The following ERP27 variants were observed in gnomAD, a reference collection of about 807,000 sequenced individuals.
The protein encoded by ERP27 is endoplasmic reticulum resident protein 27.
In ERP27, 23 loss-of-function variants were observed where a neutral mutation model predicts 27.7. The observed-to-expected ratio is 0.83, with a 90% CI of 0.60 to 1.18. The LOEUF is 1.18. Ranked by LOEUF, ERP27 falls within the 50% of genes most tolerant of loss-of-function variation. The pLI, the probability that ERP27 is intolerant of heterozygous loss-of-function variation, is 0.00. For missense variants in ERP27, 363 were observed against 327.9 expected (o/e 1.11, Z -0.83); for synonymous variants, 159 against 118.3 (o/e 1.34, Z -2.23).
intron 4 of ERP27, among the ~76,000 whole-genome samples, chr12:14,919,916 A>C (rs1426994465): frequency 1.3e-5 from 2 of 152,180 alleles, no homozygotes; most frequent in Non-Finnish European, 2.9e-5. Flanking sequence ...CTCCTCTATA[A>C]AATGGACACA....
chr12:14,932,295 G>A (rs1398475823), intron 3 of ERP27, among the ~76,000 whole-genome samples: 1 of 152,158 alleles, frequency 6.6e-6, no homozygotes, highest in Admixed American at 6.5e-5. Flanking sequence ...GGAATGCTTA[G>A]GCCCATTTGG....
In ERP27 at chr12:14,934,905, AC is replaced by A. The variant is rs754257974; in HGVS notation, c.283del (p.Val95PhefsTer2). The A allele has an allele frequency of 9.0e-5, 145 of 1,614,158 alleles. No homozygotes were observed. In the African/African-American group the frequency reaches 1.8e-3, roughly 20 times the overall value. The stretch of plus-strand genomic sequence containing the variant: ...CCCAGTGATGTTGTAGTGTGTCAGA[AC>A]CTCAGAATCAGTGCTGATCCCAAAT... ...VSFGISTDSE[V>X]LTHYNITGNT... On this transcript the variant is annotated frameshift_variant, in exon 3 of 7. Coordinates refer to ENST00000266397, the MANE Select transcript of ERP27 (RefSeq NM_152321.4). LOFTEE classifies it high-confidence loss of function.
intron 4 of ERP27, among the ~76,000 whole-genome samples, chr12:14,918,168 A>G (rs934818766): frequency 6.6e-5 from 10 of 152,318 alleles, no homozygotes; most frequent in Admixed American, 5.2e-4. Flanking sequence ...TGAGGCATAG[A>G]TAGACTAATT....
chr12:14,936,021 C>T (rs1273541028), intron 2 of ERP27, among the ~76,000 whole-genome samples: 3 of 152,122 alleles, frequency 2.0e-5, no homozygotes, highest in African/African-American at 7.2e-5. Context: ...TGTGCCCGGC[C>T]AAGATGTACT....
At chr12:14,924,242 T>G (rs1482969298) in intron 3 of ERP27, among the ~76,000 whole-genome samples, 1 of 152,198 alleles carries the variant, frequency 6.6e-6, no homozygotes, top group Non-Finnish European at 1.5e-5. Flanking sequence ...GTCCATTGTA[T>G]ATATGTACTG....
intron 3 of ERP27, among the ~76,000 whole-genome samples, chr12:14,932,570 T>G (rs1378340418): frequency 1.3e-5 from 2 of 152,230 alleles, no homozygotes; most frequent in African/African-American, 4.8e-5. Context: ...AAAGCCTATT[T>G]GTAACATTAA....
chr12:14,926,716 A>G (rs550962896), intron 3 of ERP27, among the ~76,000 whole-genome samples: 3 of 152,316 alleles, frequency 2.0e-5, no homozygotes, highest in African/African-American at 4.8e-5. Flanking sequence ...GAATATTCAA[A>G]TACAGTTTAC....
intron 3 of ERP27, among the ~76,000 whole-genome samples, chr12:14,925,349 T>G (rs2120584506): frequency 6.6e-6 from 1 of 152,284 alleles, no homozygotes; most frequent in East Asian, 1.9e-4. Context: ...CATTCCATGT[T>G]TTTATGTTTC....
At chr12:14,927,245 A>G (rs1207915791) in intron 3 of ERP27, among the ~76,000 whole-genome samples, 1 of 152,104 alleles carries the variant, frequency 6.6e-6, no homozygotes, top group Non-Finnish European at 1.5e-5. Context: ...TGGCATGGCT[A>G]AGAGTGGATT....
intron 2 of ERP27, among the ~76,000 whole-genome samples, chr12:14,935,667 C>T (rs546893523): frequency 6.6e-6 from 1 of 152,280 alleles, no homozygotes; most frequent in Admixed American, 6.5e-5. Flanking sequence ...ATCCCAACTC[C>T]CTCCTCTTCA....
In ERP27 at chr12:14,932,385, C is replaced by T. The variant is rs79659738; in HGVS notation, c.333+2471G>A. Among the ~76,000 whole-genome samples, 1,515 of 151,988 alleles carry T rather than the reference C, an allele frequency of 1.0e-2. 24 individuals are homozygous for T. The highest frequency in any genetic ancestry group is 0.035 in the African/African-American group (1,438 of 41,440). ...ATGAGAAGGAGTCATCTGGGTGAGG[C>T]TAGGTGAAAGGGGACCCTTGGCGGG... On this transcript the variant is annotated intron_variant, in intron 3 of 6. Coordinates refer to ENST00000266397, the MANE Select transcript of ERP27 (RefSeq NM_152321.4).
intron 3 of ERP27, among the ~76,000 whole-genome samples, chr12:14,933,875 A>T (rs557688320): frequency 1.3e-5 from 2 of 152,152 alleles, no homozygotes; most frequent in East Asian, 3.9e-4. Flanking sequence ...TACTTCTCAC[A>T]TGGTCTATTT....
At chr12:14,930,233 C>T (rs992605175) in intron 3 of ERP27, among the ~76,000 whole-genome samples, 2 of 152,130 alleles carry the variant, frequency 1.3e-5, no homozygotes, top group African/African-American at 4.8e-5. Flanking sequence ...TCTGACATAT[C>T]TTCTTGCATT....
intron 2 of ERP27, 115 bp downstream of exon 2, chr12:14,937,837 C>A: frequency 6.6e-6 from 5 of 760,530 alleles, no homozygotes; most frequent in Non-Finnish European, 1.1e-5. Context: ...GGGTGGCTGT[C>A]TCCCTTTACC....
intron 3 of ERP27, among the ~76,000 whole-genome samples, chr12:14,933,458 G>T (rs1358212205): frequency 1.3e-5 from 2 of 152,140 alleles, no homozygotes; most frequent in East Asian, 3.8e-4. Context: ...AAGCCATGCA[G>T]ACCTGGATAA....
intron 2 of ERP27, among the ~76,000 whole-genome samples, chr12:14,936,427 C>G (rs1020503785): frequency 6.6e-6 from 1 of 152,138 alleles, no homozygotes. Context: ...ATCATTTTCC[C>G]TGCTCTCACG....
intron 5 of ERP27, among the ~76,000 whole-genome samples, chr12:14,916,448 C>T (rs572007732): frequency 2.8e-4 from 43 of 152,056 alleles, no homozygotes; most frequent in East Asian, 1.5e-3. Context: ...AATGAGGTAA[C>T]GCATTAATAT....
chr12:14,933,585 A>T (rs762692734), intron 3 of ERP27, among the ~76,000 whole-genome samples: 3 of 152,162 alleles, frequency 2.0e-5, no homozygotes, highest in Non-Finnish European at 4.4e-5. Flanking sequence ...GAAAGAAAGG[A>T]TGGAAACTAG....
intron 3 of ERP27, among the ~76,000 whole-genome samples, chr12:14,925,998 G>A (rs959135221): frequency 6.6e-6 from 1 of 152,048 alleles, no homozygotes; most frequent in Admixed American, 6.6e-5. Flanking sequence ...GAACCTGGGA[G>A]GCAGAGGCTG....
Sources: gnomAD v4.1 joint callset for allele counts (sites outside exome capture counted in the v4.1 genomes callset) on GRCh38, gnomAD v4.1.1 for gene constraint, MANE v1.5 for transcripts, NCBI Gene and HGNC (gene_info 2026-07-23, HGNC 2026-07-21) for gene names.